Variants in FMO3 observed in about 807,000 individuals in gnomAD.
The protein encoded by FMO3 is flavin-containing monooxygenase 3.
Under a neutral mutation model 39.4 loss-of-function variants are expected in FMO3, and 40 were observed. That is an observed-to-expected ratio of 1.02 (90% confidence interval 0.79 to 1.32). The LOEUF (loss-of-function observed/expected upper bound fraction) is 1.32, where lower values mean the gene tolerates loss of function less well. FMO3 is among the 40% of genes most tolerant of loss of function. FMO3 has a pLI of 0.00. For missense variants in FMO3, 680 were observed against 651.8 expected, an observed-to-expected ratio of 1.04 and a Z score of -0.47; for synonymous variants, 219 against 228.8, an observed-to-expected ratio of 0.96 and a Z score of 0.39.
chr1:171,106,138 G>T (rs1402675800), intron 3 of FMO3, among the ~76,000 whole-genome samples: 1 of 151,646 alleles, frequency 6.6e-6, no homozygotes, highest in Non-Finnish European at 1.5e-5. Flanking sequence ...GTGACTATTA[G>T]AATTTTTTTT....
intron 7 of FMO3, among the ~76,000 whole-genome samples, chr1:171,115,201 A>G (rs563495875): frequency 1.3e-5 from 2 of 152,282 alleles, no homozygotes; most frequent in South Asian, 2.1e-4. Context: ...CAAGAGTTGT[A>G]ACTTGGGCTC....
intron 2 of FMO3, 104 bp downstream of exon 2, chr1:171,092,894 A>G (rs921149242): frequency 1.9e-5 from 24 of 1,241,568 alleles, no homozygotes; most frequent in Admixed American, 3.8e-5. Flanking sequence ...GGCAGTTATC[A>G]TATCTGTTAG....
Position 171,096,394 on chromosome 1 carries a change from T to C in FMO3, c.132+3604T>C, listed in dbSNP as rs866195300. ...ATTATAATTATATATATGTTATATA[T>C]AATTACATATATATTATATATGTTA... On this transcript the variant is annotated intron_variant, in intron 2 of 8. Coordinates refer to ENST00000367755, the MANE Select transcript of FMO3 (RefSeq NM_001002294.3). Among the ~76,000 whole-genome samples, 336 of 100,916 alleles carry C rather than the reference T, an allele frequency of 3.3e-3. 3 individuals carry two copies. Among genetic ancestry groups the C allele is most frequent in the African/African-American group, 0.013 (318 of 24,030 alleles). 66.2% of individuals were successfully genotyped at this position (100,916 alleles called of 152,430 possible). A position where few individuals can be genotyped will look rare whatever the true frequency, so the allele number is the denominator to read the frequency against.
rs1571229598 is a variant in FMO3, at chr1:171,117,032, C to T, written c.1257-68C>T. 3.2e-6 allele frequency: 4 copies of T among 1,236,308 alleles called. No homozygotes were observed. The East Asian group carries it at 9.3e-5, about 29-fold the overall frequency. The allele number at this position is 1,236,308 out of a possible 1,614,324, so 76.6% of individuals were successfully genotyped here. On this transcript the variant is annotated intron_variant, in intron 8 of 8. Coordinates refer to ENST00000367755, the MANE Select transcript of FMO3 (RefSeq NM_001002294.3). ...TTCTCACTGATATAAAGTTGCGAGC[C>T]ATTTTCTCTGTTCTGTTTCTACACA...
chr1:171,096,018 A>AT (rs1654977931), intron 2 of FMO3, among the ~76,000 whole-genome samples: 2 of 64,586 alleles, frequency 3.1e-5, no homozygotes, highest in Non-Finnish European at 4.9e-5. Flanking sequence ...TATACATATT[A>AT]TATATTAATA....
chr1:171,096,471 A>C (rs1431806000), intron 2 of FMO3, among the ~76,000 whole-genome samples: 2 of 103,442 alleles, frequency 1.9e-5, no homozygotes, highest in African/African-American at 7.9e-5. Flanking sequence ...TAAATACATA[A>C]TATATTTTAT....
At position 171,117,256 on chromosome 1, in the gene FMO3, T is replaced by C. The variant is rs1199006785; in HGVS notation, c.1413T>C (p.Phe471=). The C allele has an allele frequency of 2.5e-6, 4 of 1,614,160 alleles. No homozygotes were observed. In the South Asian group the frequency reaches 4.4e-5, roughly 18 times the overall value. The change falls in exon 9 of 9, where the codon TTT becomes TTC. Residue 471 remains phenylalanine (F), a synonymous_variant. Transcript: ENST00000367755. ...TTGGCCCTTGTAGTCCCTACCAGTT[T>C]AGGCTGGTGGGCCCAGGGCAGTGGC... ...VYFGPCSPYQ[F]RLVGPGQWPG...
intron 5 of FMO3, among the ~76,000 whole-genome samples, chr1:171,109,491 A>T (rs756661587): frequency 6.1e-5 from 9 of 147,208 alleles, no homozygotes; most frequent in Non-Finnish European, 1.3e-4. Flanking sequence ...GATCAATTTC[A>T]GAGGCTATTT....
intron 2 of FMO3, among the ~76,000 whole-genome samples, chr1:171,096,549 T>C (rs1319172473): frequency 1.1e-5 from 1 of 90,620 alleles, no homozygotes; most frequent in African/African-American, 5.2e-5. Flanking sequence ...ATACATACTA[T>C]ACTTTATATA....
chr1:171,093,921 ACCT>A (rs1397996652), intron 2 of FMO3, among the ~76,000 whole-genome samples: 3 of 126,568 alleles, frequency 2.4e-5, no homozygotes, highest in Non-Finnish European at 4.7e-5. Flanking sequence ...TGCAGCCTCC[ACCT>A]CCTGGGTTCA....
Position 171,114,067 on chromosome 1 carries a change from T to G in FMO3, c.888T>G (p.Ile296Met), listed in dbSNP as rs775563975. Residue 296 changes from isoleucine (I) to methionine (M), a missense_variant, in exon 7 of 9, where the codon ATT becomes ATG. Physicochemically the swap from Ile to Met is conservative, Grantham distance 10. Transcript: ENST00000367755. ...DELPASILCG[I>M]VSVKPNVKEF... ...TCCCAGCAAGCATTCTGTGTGGCAT[T>G]GTGTCCGTAAAGCCTAACGTGAAGG... The G allele has an allele frequency of 1.9e-6, 3 of 1,613,312 alleles. No individual in the cohort carries two copies. Among genetic ancestry groups the G allele is most frequent in the Non-Finnish European group, 2.5e-6 (3 of 1,179,406 alleles).
chr1:171,114,973 T>A (rs914454777), intron 7 of FMO3, among the ~76,000 whole-genome samples: 3 of 152,164 alleles, frequency 2.0e-5, no homozygotes, highest in African/African-American at 7.2e-5. Flanking sequence ...AGTTCTTATA[T>A]TTTACAAAGG....
chr1:171,096,120 T>C (rs1655019985), intron 2 of FMO3, among the ~76,000 whole-genome samples: 6 of 77,260 alleles, frequency 7.8e-5, no homozygotes, highest in African/African-American at 3.4e-4. Flanking sequence ...TATTATATAT[T>C]AATAATATAG....
chr1:171,110,666 G>T, intron 5 of FMO3, 132 bp from the exon 6 acceptor site: 1 of 826,276 alleles, frequency 1.2e-6, no homozygotes, highest in Non-Finnish European at 2.1e-6. Context: ...ACTGACAGCT[G>T]AGAGATGTCT....
intron 2 of FMO3, chr1:171,100,802 C>A: frequency 3.9e-6 from 1 of 255,294 alleles, no homozygotes; most frequent in Non-Finnish European, 7.9e-6. Context: ...TAACAATGCC[C>A]CTCCTCAAAG....
intron 2 of FMO3, among the ~76,000 whole-genome samples, chr1:171,094,841 C>T (rs539107401): frequency 6.6e-6 from 1 of 151,258 alleles, no homozygotes; most frequent in Non-Finnish European, 1.5e-5. Flanking sequence ...ATTACTATAG[C>T]CTTGTAGTAT....
intron 3 of FMO3, among the ~76,000 whole-genome samples, chr1:171,105,507 A>C (rs1452570092): frequency 1.3e-5 from 2 of 152,158 alleles, no homozygotes; most frequent in Admixed American, 1.3e-4. Context: ...TCCCACCAAC[A>C]GTGTAAAAGT....
At chr1:171,105,176 A>G (rs1655586413) in intron 3 of FMO3, among the ~76,000 whole-genome samples, 1 of 152,200 alleles carries the variant, frequency 6.6e-6, no homozygotes, top group Non-Finnish European at 1.5e-5. Flanking sequence ...TAAAGAAAAT[A>G]AACAGTTCCA....
chr1:171,103,829 T>G lies in FMO3; in HGVS notation c.177T>G (p.Phe59Leu). ...GGGCTAGCATTTACAAATCAGTCTT[T>G]TCCAACTCTTCCAAAGAGATGATGT... ...EGRASIYKSVFSNSSKEMMCF... is the reference protein window; with the variant it reads ...EGRASIYKSVLSNSSKEMMCF... Residue 59 changes from phenylalanine (F) to leucine (L), a missense_variant, in exon 3 of 9, where the codon TTT becomes TTG. Phe to Leu is a conservative substitution (Grantham distance 22). Transcript: ENST00000367755. 6.2e-7 allele frequency: 1 copy of G among 1,613,922 alleles called. No individual in the cohort carries two copies. Among genetic ancestry groups the G allele is most frequent in the Non-Finnish European group, 8.5e-7 (1 of 1,179,898 alleles).
Sources: gnomAD v4.1 joint callset for allele counts (sites outside exome capture counted in the v4.1 genomes callset) on GRCh38, gnomAD v4.1.1 for gene constraint, MANE v1.5 for transcripts, NCBI Gene and HGNC (gene_info 2026-07-23, HGNC 2026-07-21) for gene names.